Variants in MEGF11 observed in about 807,000 individuals in gnomAD.
MEGF11 encodes the protein multiple epidermal growth factor-like domains protein 11.
A neutral mutation model predicts 146.6 loss-of-function variants in MEGF11; 126 were observed. The observed-to-expected ratio is 0.86, with a 90% CI of 0.74 to 1.00. MEGF11 has a LOEUF of 1.00. MEGF11 is among the 50% of genes least tolerant of loss of function. The pLI is 0.00. For synonymous variants in MEGF11, 532 were observed against 583.4 expected, an observed-to-expected ratio of 0.91 and a Z score of 1.27; for missense variants, 1,509 against 1,521.2, an observed-to-expected ratio of 0.99 and a Z score of 0.13.
chr15:66,174,317 C>T (rs1196904001), intron 1 of MEGF11, among the ~76,000 whole-genome samples: 1 of 152,174 alleles, frequency 6.6e-6, no homozygotes, highest in Non-Finnish European at 1.5e-5. Flanking sequence ...TTATAAACCT[C>T]TGGTAACAGC....
intron 1 of MEGF11, among the ~76,000 whole-genome samples, chr15:66,176,111 T>G (rs2090382609): frequency 2.0e-5 from 3 of 152,086 alleles, no homozygotes; most frequent in Non-Finnish European, 2.9e-5. Flanking sequence ...AAAACCACAA[T>G]GAGATGTCAT....
At chr15:66,107,603 A>G (rs569839412) in intron 4 of MEGF11, among the ~76,000 whole-genome samples, 2 of 152,320 alleles carry the variant, frequency 1.3e-5, no homozygotes, top group East Asian at 1.9e-4. Flanking sequence ...CACATGGGAC[A>G]TGGGTACAGA....
chr15:66,035,875 C>T (rs1302615765), intron 5 of MEGF11, among the ~76,000 whole-genome samples: 1 of 152,176 alleles, frequency 6.6e-6, no homozygotes, highest in Admixed American at 6.5e-5. Context: ...TATAGTTTTG[C>T]ATGTTTTTAA....
At chr15:65,983,931 T>C (rs2081750676) in intron 5 of MEGF11, among the ~76,000 whole-genome samples, 1 of 152,182 alleles carries the variant, frequency 6.6e-6, no homozygotes, top group Non-Finnish European at 1.5e-5. Flanking sequence ...GGCTGAAGGT[T>C]GGTGGAAGGA....
At chr15:66,189,331 G>A (rs553014779) in intron 1 of MEGF11, among the ~76,000 whole-genome samples, 43 of 152,080 alleles carry the variant, frequency 2.8e-4, no homozygotes, top group Non-Finnish European at 2.6e-4. Context: ...AGATGCCAGC[G>A]GGAAGGGGAC....
intron 1 of MEGF11, among the ~76,000 whole-genome samples, chr15:66,234,210 T>C (rs2092038964): frequency 6.6e-6 from 1 of 152,214 alleles, no homozygotes; most frequent in South Asian, 2.1e-4. Flanking sequence ...GACATTGTCA[T>C]TTCTGAATGT....
intron 5 of MEGF11, among the ~76,000 whole-genome samples, chr15:66,057,090 C>T (rs574174829): frequency 5.7e-4 from 87 of 152,322 alleles, no homozygotes; most frequent in African/African-American, 2.0e-3. Flanking sequence ...TCAATCTCCC[C>T]CAGCCTTCAT....
At chr15:65,918,200 A>T in intron 15 of MEGF11, 106 bp from the exon 16 acceptor site, 1 of 1,508,094 alleles carries the variant, frequency 6.6e-7, no homozygotes, top group Non-Finnish European at 9.0e-7. Context: ...ATGATCACCC[A>T]GGGGTCATGG....
chr15:66,093,404 ATG>A (rs1567236788), intron 5 of MEGF11, among the ~76,000 whole-genome samples: 3 of 152,230 alleles, frequency 2.0e-5, no homozygotes, highest in Non-Finnish European at 2.9e-5. Context: ...CTAAGTTTTC[ATG>A]ACTATGGTAG....
intron 5 of MEGF11, among the ~76,000 whole-genome samples, chr15:66,065,622 T>C (rs983769770): frequency 2.0e-5 from 3 of 152,288 alleles, no homozygotes; most frequent in Non-Finnish European, 4.4e-5. Context: ...GAAGTCCCAT[T>C]GCTCAGCAAA....
At chr15:66,018,704 ACT>A (rs1367054359) in intron 5 of MEGF11, among the ~76,000 whole-genome samples, 3 of 136,266 alleles carry the variant, frequency 2.2e-5, no homozygotes, top group Non-Finnish European at 3.3e-5. Flanking sequence ...TGTGCATGAG[ACT>A]CTGTGTGAGT....
intron 9 of MEGF11, among the ~76,000 whole-genome samples, chr15:65,963,101 G>A (rs1207580785): frequency 2.0e-5 from 3 of 152,188 alleles, no homozygotes; most frequent in Admixed American, 2.0e-4. Flanking sequence ...TCTGTGGCAG[G>A]AGCTCCCTGC....
chr15:65,980,660 A>G (rs2081604450), intron 7 of MEGF11, 118 bp downstream of exon 7: 6 of 1,362,962 alleles, frequency 4.4e-6, no homozygotes, highest in Non-Finnish European at 4.8e-6. Context: ...CGGCCTCCCA[A>G]AGTGCTGGGA....
chr15:65,953,431 G>A (rs562179533), intron 10 of MEGF11, among the ~76,000 whole-genome samples: 1 of 152,212 alleles, frequency 6.6e-6, no homozygotes, highest in Non-Finnish European at 1.5e-5. Context: ...ACCACCGCTG[G>A]CTTTGTGATC....
intron 3 of MEGF11, among the ~76,000 whole-genome samples, chr15:66,120,407 T>C (rs896259659): frequency 2.0e-5 from 3 of 152,198 alleles, no homozygotes; most frequent in African/African-American, 7.2e-5. Context: ...CAGACCTCTT[T>C]CCACTTTTCC....
At position 65,916,202 on chromosome 15, in the gene MEGF11, T is replaced by C. The variant is rs779506642; in HGVS notation, c.2290A>G (p.Ile764Val). The change falls in exon 18 of 26, where the codon ATC (isoleucine) becomes GTC (valine). Residue 764 changes from isoleucine (I) to valine (V), a missense_variant. Physicochemically the swap from Ile to Val is conservative, Grantham distance 29. Coordinates refer to ENST00000395614, the MANE Select transcript of MEGF11 (RefSeq NM_001385028.1). Reference protein sequence around the residue: ...QCQNGASCDHISGKCTCRTGF... With the variant: ...QCQNGASCDHVSGKCTCRTGF... ...GTGCGGCAGGTGCACTTGCCACTGA[T>C]GTGGTCACAGCTGGCGCCATTCTGA... 89 of 1,579,778 alleles carry C rather than the reference T, an allele frequency of 5.6e-5. No homozygotes were observed. The highest frequency in any genetic ancestry group is 7.3e-5 in the Non-Finnish European group (85 of 1,162,908).
At chr15:65,917,363 G>C (rs1167581729) in intron 16 of MEGF11, among the ~76,000 whole-genome samples, 1 of 152,122 alleles carries the variant, frequency 6.6e-6, no homozygotes, top group Non-Finnish European at 1.5e-5. Flanking sequence ...AGCTCCTGAT[G>C]ATGGAGCCTG....
intron 4 of MEGF11, among the ~76,000 whole-genome samples, chr15:66,094,798 C>A (rs1399314166): frequency 1.3e-5 from 2 of 152,292 alleles, no homozygotes; most frequent in East Asian, 3.9e-4. Flanking sequence ...ACAGAGACCG[C>A]CGCAAACCTC....
intron 10 of MEGF11, among the ~76,000 whole-genome samples, chr15:65,955,753 A>AT (rs1282040034): frequency 5.3e-4 from 9 of 16,898 alleles, no homozygotes; most frequent in African/African-American, 1.3e-3. Flanking sequence ...AAAAAAAAAA[A>AT]AAAAAAAAAT....
Sources: allele counts gnomAD v4.1 joint callset (sites outside exome capture counted in the v4.1 genomes callset), GRCh38; gene constraint gnomAD v4.1.1; transcripts MANE v1.5; gene names NCBI Gene and HGNC (gene_info 2026-07-23, HGNC 2026-07-21).